SOX5: variants seen among roughly 807,000 people sequenced by gnomAD.
The protein encoded by SOX5 is SRY-box transcription factor 5.
In SOX5, 9 loss-of-function variants were observed where a neutral mutation model predicts 92.0. That is an observed-to-expected ratio of 0.10 (90% CI 0.06 to 0.17). The LOEUF (loss-of-function observed/expected upper bound fraction) is 0.17, where lower values mean the gene tolerates loss of function less well. Among genes scored for constraint, SOX5 ranks in the 10% least tolerant of loss-of-function variants. The pLI is 1.00. For synonymous variants in SOX5, 344 were observed against 336.3 expected (o/e 1.02, Z -0.25); for missense variants, 642 against 944.5 (o/e 0.68, Z 4.20).
chr12:23,907,891 C>G (rs764158097), intron 1 of SOX5, among the ~76,000 whole-genome samples: 3 of 152,142 alleles, frequency 2.0e-5, no homozygotes, highest in Non-Finnish European at 2.9e-5. Flanking sequence ...AATCGCAGAA[C>G]TGCAAATAGG....
chr12:23,779,127 G>C (rs922040811), intron 3 of SOX5, among the ~76,000 whole-genome samples: 3 of 152,072 alleles, frequency 2.0e-5, no homozygotes, highest in African/African-American at 7.2e-5. Context: ...TAATGTTTAA[G>C]TATTATGTCC....
chr12:24,215,296 AAAG>A (rs1287138064), intron 3 of SOX5, among the ~76,000 whole-genome samples: 2 of 152,164 alleles, frequency 1.3e-5, no homozygotes, highest in Non-Finnish European at 2.9e-5. Context: ...GGCTGGAAAG[AAAG>A]AAGTATGATT....
chr12:23,831,616 T>C lies in SOX5; in HGVS notation c.481+14367A>G, dbSNP rs562524536. Among the ~76,000 whole-genome samples, 3 of 152,136 alleles carry C rather than the reference T, an allele frequency of 2.0e-5. No individual in the cohort carries two copies. The East Asian group carries it at 5.8e-4, about 29-fold the overall frequency. On this transcript the variant is annotated intron_variant, in intron 3 of 14. Coordinates refer to ENST00000451604, the MANE Select transcript of SOX5 (RefSeq NM_006940.6). ...TGCATTAGTTCTCAGAAGAGAACTC[T>C]TTTTTTAAAGTCCATACTAAAGGCA...
intron 2 of SOX5, among the ~76,000 whole-genome samples, chr12:24,352,161 AGGTGTTTTCACAATAGTGAATTCTAACT>A (rs1245360032): frequency 2.0e-4 from 30 of 152,352 alleles, no homozygotes; most frequent in Admixed American, 1.6e-3. Context: ...ATGAATGGGC[AGGTGTTTTCACAATAGTGAATTCTAACT>A]GGTGTTTTCA....
intron 3 of SOX5, among the ~76,000 whole-genome samples, chr12:23,819,815 T>A (rs532657494): frequency 6.6e-6 from 1 of 152,348 alleles, no homozygotes; most frequent in South Asian, 2.1e-4. Flanking sequence ...CACATTTTTT[T>A]AATCCAGTCT....
At chr12:24,366,462 C>T (rs1475781555) in intron 2 of SOX5, among the ~76,000 whole-genome samples, 1 of 152,150 alleles carries the variant, frequency 6.6e-6, no homozygotes, top group African/African-American at 2.4e-5. Context: ...ACAGTTGAAG[C>T]AATGCCCCGC....
intron 4 of SOX5, among the ~76,000 whole-genome samples, chr12:24,118,034 A>G (rs917212083): frequency 6.7e-4 from 100 of 149,454 alleles, no homozygotes; most frequent in African/African-American, 1.7e-3. Flanking sequence ...AAAAAAAAAA[A>G]AAAAGAAAAA....
intron 2 of SOX5, among the ~76,000 whole-genome samples, chr12:24,353,984 C>G (rs1325288913): frequency 6.6e-6 from 1 of 152,196 alleles, no homozygotes; most frequent in Non-Finnish European, 1.5e-5. Context: ...CTATGTACTA[C>G]TGTTACATTG....
At chr12:24,248,351 A>C (rs188141867) in intron 3 of SOX5, among the ~76,000 whole-genome samples, 1 of 152,332 alleles carries the variant, frequency 6.6e-6, no homozygotes, top group East Asian at 1.9e-4. Flanking sequence ...CTGGGCTGCC[A>C]AAAATTGGAA....
At chr12:23,787,920 G>A (rs2095409558) in intron 3 of SOX5, among the ~76,000 whole-genome samples, 1 of 149,788 alleles carries the variant, frequency 6.7e-6, no homozygotes, top group South Asian at 2.1e-4. Context: ...GCTTAGACCC[G>A]AGATGCTGCA....
chr12:23,756,426 G>A (rs1006976122), intron 3 of SOX5, among the ~76,000 whole-genome samples: 1 of 151,686 alleles, frequency 6.6e-6, no homozygotes, highest in African/African-American at 2.4e-5. Flanking sequence ...GCTTTAGTCT[G>A]GTATTTGTTT....
intron 2 of SOX5, among the ~76,000 whole-genome samples, chr12:24,298,235 A>C (rs2140595313): frequency 6.6e-6 from 1 of 152,154 alleles, no homozygotes; most frequent in African/African-American, 2.4e-5. Flanking sequence ...ACGTCCAGCT[A>C]ATTTTTGTGT....
At chr12:23,844,621 GTTT>G (rs201129645) in intron 3 of SOX5, among the ~76,000 whole-genome samples, 1 of 152,016 alleles carries the variant, frequency 6.6e-6, no homozygotes, top group Non-Finnish European at 1.5e-5. Flanking sequence ...GAAGAAAAAA[GTTT>G]TTTAAGTTTA....
chr12:23,777,169 A>G (rs1037233823), intron 3 of SOX5, among the ~76,000 whole-genome samples: 1 of 152,150 alleles, frequency 6.6e-6, no homozygotes, highest in Non-Finnish European at 1.5e-5. Context: ...TCTTTGCTTT[A>G]AGGCAGCTCA....
chr12:24,156,822 T>A (rs1055105540), intron 4 of SOX5, among the ~76,000 whole-genome samples: 2 of 152,144 alleles, frequency 1.3e-5, no homozygotes, highest in African/African-American at 4.8e-5. Flanking sequence ...TAAAAATCTA[T>A]GCATGGAATA....
chr12:23,978,362 TTTTGA>T (rs1949151332), intron 4 of SOX5, among the ~76,000 whole-genome samples: 2 of 152,218 alleles, frequency 1.3e-5, no homozygotes, highest in South Asian at 4.1e-4. Context: ...AAACTGTATC[TTTTGA>T]TTTATTTTTA....
At chr12:23,591,963 A>G (rs1221779060) in intron 9 of SOX5, among the ~76,000 whole-genome samples, 1 of 152,146 alleles carries the variant, frequency 6.6e-6, no homozygotes, top group East Asian at 1.9e-4. Context: ...AAATATCTAC[A>G]CTGCCAAAGT....
At chr12:23,602,391 C>G (rs1039153901) in intron 9 of SOX5, among the ~76,000 whole-genome samples, 1 of 152,060 alleles carries the variant, frequency 6.6e-6, no homozygotes, top group Non-Finnish European at 1.5e-5. Flanking sequence ...ATCATTGTAG[C>G]GACTGCTCAA....
At chr12:23,672,928 C>T (rs1412147593) in intron 6 of SOX5, among the ~76,000 whole-genome samples, 1 of 152,076 alleles carries the variant, frequency 6.6e-6, no homozygotes, top group African/African-American at 2.4e-5. Flanking sequence ...CATGTTCTTA[C>T]AAAGCATTAG....
Sources: gnomAD v4.1 joint callset for allele counts (sites outside exome capture counted in the v4.1 genomes callset) on GRCh38, gnomAD v4.1.1 for gene constraint, MANE v1.5 for transcripts, NCBI Gene and HGNC (gene_info 2026-07-23, HGNC 2026-07-21) for gene names.